The following CFAP251 variants were observed in gnomAD, a reference collection of about 807,000 sequenced individuals.
CFAP251 encodes the protein cilia- and flagella-associated protein 251.
In CFAP251, 93 loss-of-function variants were observed where a neutral mutation model predicts 126.7. That is an observed-to-expected ratio of 0.73 (90% CI 0.62 to 0.87). The LOEUF (loss-of-function observed/expected upper bound fraction) is 0.87, where lower values mean the gene tolerates loss of function less well. Among genes scored for constraint, CFAP251 ranks in the 40% least tolerant of loss-of-function variants. CFAP251 has a pLI of 0.00. For missense variants in CFAP251, 1,287 were observed against 1,389.2 expected, an observed-to-expected ratio of 0.93 and a Z score of 1.17; for synonymous variants, 503 against 506.9, an observed-to-expected ratio of 0.99 and a Z score of 0.10.
At chr12:121,977,908 G>A (rs1468995157) in intron 19 of CFAP251, among the ~76,000 whole-genome samples, 3 of 142,264 alleles carry the variant, frequency 2.1e-5, no homozygotes, top group African/African-American at 8.0e-5. Context: ...GTAGTGAGCC[G>A]AGATTGCGCC....
intron 5 of CFAP251, among the ~76,000 whole-genome samples, chr12:121,941,688 G>A (rs1455896982): frequency 1.3e-5 from 2 of 152,048 alleles, no homozygotes; most frequent in Non-Finnish European, 2.9e-5. Flanking sequence ...TTCATGTATG[G>A]TATATTAAGG....
In CFAP251 at chr12:121,954,115, A is replaced by T; in HGVS notation, c.1321-5A>T. 1 of 1,613,156 alleles carries T rather than the reference A, an allele frequency of 6.2e-7. No homozygotes were observed. Among genetic ancestry groups the T allele is most frequent in the Middle Eastern group, 1.7e-4 (1 of 6,060 alleles). ...ACAGTAACTATAACCTTTCTTTTGA[A>T]ACAGACCTTCAACAAGCTTGTGGGA... On this transcript the variant is annotated splice_region_variant and splice_polypyrimidine_tract_variant and intron_variant, in intron 9 of 21. Transcript: ENST00000288912.
In CFAP251 at chr12:121,923,957, T is replaced by C. The variant is rs1397193686; in HGVS notation, c.714T>C (p.Phe238=). Reference sequence around the variant, plus strand: ...CCAGCACCACAGAGGACATTCTGTTTCAAAAGGATAAAAGCACCCCGGTGT... The same window carrying C: ...CCAGCACCACAGAGGACATTCTGTTCCAAAAGGATAAAAGCACCCCGGTGT... ...LVSSTTEDIL[F]QKDKSTPVYP... Residue 238 remains phenylalanine, a synonymous_variant, in exon 3 of 22, where the codon TTT becomes TTC. Transcript: ENST00000288912. The C allele has an allele frequency of 6.2e-7, 1 of 1,612,952 alleles. No individual in the cohort carries two copies. The highest frequency in any genetic ancestry group is 1.3e-5 in the African/African-American group (1 of 74,826).
At chr12:121,965,050 G>A (rs886934148) in intron 15 of CFAP251, among the ~76,000 whole-genome samples, 2 of 152,132 alleles carry the variant, frequency 1.3e-5, no homozygotes, top group Non-Finnish European at 2.9e-5. Context: ...GTAAGCTGTA[G>A]GAATAAGAAA....
At chr12:121,985,535 C>CAAAA (rs59999924) in intron 19 of CFAP251, among the ~76,000 whole-genome samples, 1 of 62,518 alleles carries the variant, frequency 1.6e-5, no homozygotes, top group African/African-American at 4.2e-5. Context: ...GACTCCATCT[C>CAAAA]AAAAAAAAAA....
chr12:121,994,118 T>C, intron 19 of CFAP251, among the ~76,000 whole-genome samples: 1 of 96,478 alleles, frequency 1.0e-5, no homozygotes, highest in Non-Finnish European at 2.1e-5. Flanking sequence ...GAGGAGCCCC[T>C]CTGCCCGGCC....
At chr12:121,942,666 G>C (rs375324274) in intron 6 of CFAP251, 21 bp downstream of exon 6, 1 of 1,598,428 alleles carries the variant, frequency 6.3e-7, no homozygotes, top group Non-Finnish European at 8.5e-7. Flanking sequence ...TGGCCCTTTG[G>C]GTCAGCATCA....
At chr12:121,924,115 T>C in intron 3 of CFAP251, 125 bp downstream of exon 3, 2 of 1,220,924 alleles carry the variant, frequency 1.6e-6, no homozygotes, top group Non-Finnish European at 1.1e-6. Flanking sequence ...ATAATAGACT[T>C]GTGTTTTTTT....
At chr12:122,000,010 T>TG (rs1883112046) in intron 20 of CFAP251, 66 bp downstream of exon 20, 11 of 1,429,140 alleles carry the variant, frequency 7.7e-6, no homozygotes, top group Non-Finnish European at 9.7e-6. Flanking sequence ...GAACTGAGTT[T>TG]GGGGAGCCAG....
chr12:122,003,614 CA>C (rs776930520), intron 21 of CFAP251, 37 bp from the exon 22 acceptor site: 1 of 1,520,290 alleles, frequency 6.6e-7, no homozygotes, highest in Non-Finnish European at 9.1e-7. Flanking sequence ...ACATAATCAT[CA>C]TGAAGGCATT....
intron 4 of CFAP251, among the ~76,000 whole-genome samples, 171 bp from the exon 5 acceptor site, chr12:121,934,076 C>A (rs1300188463): frequency 6.6e-6 from 1 of 152,094 alleles, no homozygotes; most frequent in Non-Finnish European, 1.5e-5. Context: ...TTGAAAATCA[C>A]CCACTAGGAA....
chr12:121,920,940 C>T (rs1880143841), intron 1 of CFAP251, among the ~76,000 whole-genome samples: 1 of 151,876 alleles, frequency 6.6e-6, no homozygotes, highest in Admixed American at 6.6e-5. Context: ...CCTCTGCCTC[C>T]CAGGTTCAAG....
At chr12:121,953,385 T>C (rs889622282) in intron 9 of CFAP251, 2 of 152,244 alleles carry the variant, frequency 1.3e-5, no homozygotes, top group African/African-American at 4.8e-5. Flanking sequence ...AGTAAAATTA[T>C]TTGTCACACT....
At chr12:121,958,701 C>T (rs539139193) in intron 12 of CFAP251, among the ~76,000 whole-genome samples, 179 bp downstream of exon 12, 15 of 151,446 alleles carry the variant, frequency 9.9e-5, no homozygotes, top group Non-Finnish European at 1.9e-4. Flanking sequence ...CGTCTCTGCG[C>T]GCTCACCCCA....
rs951304442 is a variant in CFAP251 at position 122,003,832 on chromosome 12, A to T, written c.*68A>T. 8.3e-7 allele frequency: 1 copy of T among 1,208,030 alleles called. No homozygotes were observed. Among genetic ancestry groups the T allele is most frequent in the Non-Finnish European group, 1.1e-6 (1 of 870,044 alleles). 74.8% of individuals were successfully genotyped at this position (1,208,030 alleles called of 1,614,324 possible). On this transcript the variant is annotated 3_prime_UTR_variant, in exon 22 of 22. Coordinates refer to ENST00000288912, the MANE Select transcript of CFAP251 (RefSeq NM_144668.6). ...GTGCATGCACATGTGTGTGTTTTCC[A>T]TGAGGCACTGCTTTTTATGCATTTC...
intron 3 of CFAP251, among the ~76,000 whole-genome samples, chr12:121,928,562 A>G (rs1026055800): frequency 1.5e-4 from 22 of 150,078 alleles, no homozygotes; most frequent in Admixed American, 2.7e-4. Flanking sequence ...TAGCAACGCA[A>G]CGCATCACTT....
intron 19 of CFAP251, among the ~76,000 whole-genome samples, chr12:121,984,195 C>T (rs773120156): frequency 1.4e-4 from 22 of 152,304 alleles, no homozygotes; most frequent in Non-Finnish European, 2.9e-4. Context: ...ATATAACCCT[C>T]CCCAAAGAAT....
At position 121,960,641 on chromosome 12, in the gene CFAP251, C is replaced by T; in HGVS notation, c.2190C>T (p.Val730=). The T allele has an allele frequency of 6.2e-7, 1 of 1,614,180 alleles. No individual in the cohort carries two copies. The highest frequency in any genetic ancestry group is 1.3e-5 in the African/African-American group (1 of 75,038). ...YMLVVRNGQR[V]WEYLARLRSH... is the part of the protein sequence containing the mutation. ...TGGTGGTCAGAAATGGACAGAGGGT[C>T]TGGGAGTACTTAGCAAGACTTCGCT... The change falls in exon 14 of 22, where the codon GTC becomes GTT. Residue 730 remains valine, a synonymous_variant. Transcript: ENST00000288912.
At chr12:121,968,841 T>A in intron 17 of CFAP251, 5 of 970,992 alleles carry the variant, frequency 5.1e-6, no homozygotes, top group Non-Finnish European at 6.1e-6. Context: ...CAGAGCAAAG[T>A]ACTCGGCAAG....
Sources: allele counts gnomAD v4.1 joint callset (sites outside exome capture counted in the v4.1 genomes callset), GRCh38; gene constraint gnomAD v4.1.1; transcripts MANE v1.5; gene names NCBI Gene and HGNC (gene_info 2026-07-23, HGNC 2026-07-21).